Variants in DMD observed in about 807,000 individuals in gnomAD.
DMD encodes the protein dystrophin.
Under a neutral mutation model 330.1 loss-of-function variants are expected in DMD, and 63 were observed. The observed-to-expected ratio is 0.19, with a 90% CI of 0.16 to 0.24. The LOEUF is 0.24. Ranked by LOEUF, DMD falls within the 10% of genes least tolerant of loss-of-function variation. The probability of loss-of-function intolerance (pLI) is 1.00; values close to 1 mark genes in which losing one functional copy is unlikely to be tolerated. For synonymous variants in DMD, 1,223 were observed against 959.8 expected, an observed-to-expected ratio of 1.27 and a Z score of -5.07; for missense variants, 3,344 against 2,684.1, an observed-to-expected ratio of 1.25 and a Z score of -5.43.
At chrX:32,465,219 CAGTACGA>C (rs1170362718) in intron 23 of DMD, among the ~76,000 whole-genome samples, 1 of 111,600 alleles carries the variant, frequency 9.0e-6, no homozygotes, top group Non-Finnish European at 1.9e-5. Context: ...TTTGTCTGAC[CAGTACGA>C]AGTAATGATC....
intron 44 of DMD, among the ~76,000 whole-genome samples, chrX:32,152,193 T>C (rs2096806941): frequency 8.9e-6 from 1 of 112,127 alleles, no homozygotes; most frequent in African/African-American, 3.2e-5. Flanking sequence ...ATGGGCTACA[T>C]TACAATGTTC....
At chrX:31,366,054 T>C (rs1380783293) in intron 60 of DMD, among the ~76,000 whole-genome samples, 1 of 112,371 alleles carries the variant, frequency 8.9e-6, no homozygotes, top group Non-Finnish European at 1.9e-5. Flanking sequence ...AGTCACTAGT[T>C]ACCGGCAGGC....
At chrX:32,131,595 C>T (rs765811632) in intron 44 of DMD, among the ~76,000 whole-genome samples, 7 of 111,906 alleles carry the variant, frequency 6.3e-5, no homozygotes, top group African/African-American at 9.7e-5. Context: ...CATTGGAAAA[C>T]GCAGATATTA....
chrX:32,033,672 G>GA (rs1569534703), intron 44 of DMD, among the ~76,000 whole-genome samples: 8 of 74,412 alleles, frequency 1.1e-4, no homozygotes, highest in African/African-American at 1.3e-4. Flanking sequence ...AAGAAAGAAA[G>GA]GAAGGAAAGA....
intron 25 of DMD, among the ~76,000 whole-genome samples, chrX:32,459,473 TATC>T (rs1353249496): frequency 9.0e-6 from 1 of 111,196 alleles, no homozygotes; most frequent in Non-Finnish European, 1.9e-5. Context: ...ATATACATGT[TATC>T]TTTATTTTTA....
intron 50 of DMD, among the ~76,000 whole-genome samples, chrX:31,809,847 T>C (rs1459310022): frequency 9.0e-6 from 1 of 110,658 alleles, no homozygotes; most frequent in East Asian, 2.8e-4. Flanking sequence ...TATATATATA[T>C]ATCTGTCAGC....
At chrX:33,314,411 C>T (rs952650917) in intron 1 of DMD, among the ~76,000 whole-genome samples, 3 of 108,158 alleles carry the variant, frequency 2.8e-5, no homozygotes, top group African/African-American at 1.0e-4. Flanking sequence ...GCGTGCATCA[C>T]CACCCCAAGC....
chrX:32,178,802 CTTTTT>C (rs1324855539), intron 44 of DMD, among the ~76,000 whole-genome samples: 1 of 102,233 alleles, frequency 9.8e-6, no homozygotes, highest in East Asian at 3.1e-4. Flanking sequence ...AGATCTTCTT[CTTTTT>C]AAGGCTGAAA....
chrX:33,143,065 T>G (rs2047874249), intron 1 of DMD, among the ~76,000 whole-genome samples: 1 of 111,853 alleles, frequency 8.9e-6, no homozygotes, highest in African/African-American at 3.2e-5. Flanking sequence ...GTGATTATTT[T>G]TATTATCATA....
chrX:31,575,096 C>T (rs2076030501), intron 55 of DMD, among the ~76,000 whole-genome samples: 1 of 111,709 alleles, frequency 9.0e-6, no homozygotes, highest in Non-Finnish European at 1.9e-5. Context: ...AATGCCTGGT[C>T]TTGTTGTATA....
At chrX:32,177,131 T>C (rs1603627679) in intron 44 of DMD, among the ~76,000 whole-genome samples, 1 of 111,970 alleles carries the variant, frequency 8.9e-6, no homozygotes, top group East Asian at 2.8e-4. Flanking sequence ...GTTGTCACAT[T>C]CTCACTAGAA....
At position 32,205,035 on chromosome X, in the gene DMD, A is replaced by ACACACACACC. The variant is rs1557210639; in HGVS notation, c.6438+11880_6438+11881insGGTGTGTGTG. Among the ~76,000 whole-genome samples, 74 of 86,462 alleles carry ACACACACACC rather than the reference A, an allele frequency of 8.6e-4. 2 individuals carry two copies. The highest frequency in any genetic ancestry group is 5.6e-3 in the Middle Eastern group (1 of 179). 75.1% of individuals were successfully genotyped at this position (86,462 alleles called of 115,157 possible). A position where few individuals can be genotyped will look rare whatever the true frequency, so the allele number is the denominator to read the frequency against. ...TACACACACACACACACACACACACACACACACCCACACACACACAGTCGC... is the reference window on the plus strand; with the variant it reads ...TACACACACACACACACACACACACACACACACACCCACACACCCACACACACACAGTCGC... On this transcript the variant is annotated intron_variant, in intron 44 of 78. Transcript: ENST00000357033.
chrX:33,009,532 G>C (rs192100210), intron 2 of DMD, among the ~76,000 whole-genome samples: 1 of 74,882 alleles, frequency 1.3e-5, no homozygotes, highest in Non-Finnish European at 2.4e-5. Flanking sequence ...GTGTATGTGT[G>C]TATGTGTATA....
At chrX:32,484,872 A>C in intron 21 of DMD, 47 bp downstream of exon 21, 3 of 1,162,680 alleles carry the variant, frequency 2.6e-6, no homozygotes, top group Non-Finnish European at 3.5e-6. Context: ...CCCACAAATA[A>C]CCATTTTGGA....
intron 53 of DMD, among the ~76,000 whole-genome samples, chrX:31,668,450 A>C: frequency 9.0e-6 from 1 of 110,605 alleles, no homozygotes; most frequent in South Asian, 3.7e-4. Context: ...TTTATTTTAC[A>C]AAAGTTTTAA....
chrX:31,173,522 T>C lies in DMD; in HGVS notation c.10328+17A>G, dbSNP rs2040212583. 1 of 1,203,302 alleles carries C rather than the reference T, an allele frequency of 8.3e-7. No individual in the cohort carries two copies. The highest frequency in any genetic ancestry group is 1.1e-6 in the Non-Finnish European group (1 of 887,963). On this transcript the variant is annotated intron_variant, in intron 72 of 78. Transcript: ENST00000357033. ...TATTTCAATCAATATTTGCCTGGCA[T>C]ACAACTAGTCTCATACCTGCTAGCA...
intron 1 of DMD, among the ~76,000 whole-genome samples, chrX:33,264,537 G>A (rs1193484054): frequency 9.0e-6 from 1 of 110,751 alleles, no homozygotes; most frequent in Non-Finnish European, 1.9e-5. Context: ...GGCAAGGCAG[G>A]TCCTAGTTTA....
intron 52 of DMD, among the ~76,000 whole-genome samples, chrX:31,718,642 C>T (rs773493849): frequency 1.8e-5 from 2 of 110,817 alleles, no homozygotes; most frequent in East Asian, 2.8e-4. Flanking sequence ...CCCCAACATA[C>T]GAGGATACAG....
At chrX:31,425,454 T>C (rs967528158) in intron 60 of DMD, among the ~76,000 whole-genome samples, 1 of 112,075 alleles carries the variant, frequency 8.9e-6, no homozygotes. Context: ...AACAGCTATT[T>C]ACTTCTTGTT....
Sources: allele counts gnomAD v4.1 joint callset (sites outside exome capture counted in the v4.1 genomes callset), GRCh38; gene constraint gnomAD v4.1.1; transcripts MANE v1.5; gene names NCBI Gene and HGNC (gene_info 2026-07-23, HGNC 2026-07-21).